The following GLIS3 variants were observed in gnomAD, a reference collection of about 807,000 sequenced individuals.
The protein encoded by GLIS3 is GLIS family zinc finger 3, also known as zinc finger protein GLIS3.
GLIS3 carries 53 observed loss-of-function variants against 78.6 expected under a neutral mutation model. The ratio of observed to expected loss-of-function variants is 0.67; its 90% CI spans 0.54 to 0.85. GLIS3 has a LOEUF of 0.85. Among genes scored for constraint, GLIS3 ranks in the 40% least tolerant of loss-of-function variants. The pLI is 0.00. For missense variants in GLIS3, 1,703 were observed against 1,231.1 expected (o/e 1.38, Z -5.74); for synonymous variants, 684 against 509.9 (o/e 1.34, Z -4.60).
intron 2 of GLIS3, among the ~76,000 whole-genome samples, chr9:4,185,866 A>G (rs1272025579): frequency 6.6e-6 from 1 of 152,222 alleles, no homozygotes; most frequent in Non-Finnish European, 1.5e-5. Context: ...AGGGCAAGGC[A>G]GCCCAGGGAC....
intron 4 of GLIS3, among the ~76,000 whole-genome samples, chr9:4,027,247 A>G (rs998191838): frequency 6.6e-6 from 1 of 152,218 alleles, no homozygotes; most frequent in African/African-American, 2.4e-5. Flanking sequence ...CGTCACTACA[A>G]TGACTGCAGA....
At chr9:3,983,729 G>A (rs1334258081) in intron 4 of GLIS3, among the ~76,000 whole-genome samples, 2 of 152,254 alleles carry the variant, frequency 1.3e-5, no homozygotes, top group East Asian at 3.9e-4. Flanking sequence ...TTGAACTTGA[G>A]GGAGATGATT....
At chr9:4,194,285 C>T (rs998852755) in intron 2 of GLIS3, among the ~76,000 whole-genome samples, 2 of 152,100 alleles carry the variant, frequency 1.3e-5, no homozygotes, top group Non-Finnish European at 2.9e-5. Context: ...GTCTCAAACT[C>T]CTGAGCTCAG....
rs145515526 is a variant in GLIS3, at chr9:4,118,029, G to A, written c.1449C>T (p.Pro483=). The A allele has an allele frequency of 1.9e-6, 3 of 1,600,514 alleles. No individual in the cohort carries two copies. The highest frequency in any genetic ancestry group is 2.6e-6 in the Non-Finnish European group (3 of 1,173,270). The change falls in exon 4 of 11, where the codon CCC becomes CCT. Residue 483 remains proline (P), a synonymous_variant. Coordinates refer to ENST00000381971, the MANE Select transcript of GLIS3 (RefSeq NM_001042413.2). This position sits in a 1 kb window ranked among gnomAD's most constrained non-coding sequence, Gnocchi z 4.7. The part of the protein sequence containing the change: ...LGPHAQQLAL[P]QATLDDDGEM... ...CCCCGTCGTCGTCCAGGGTGGCCTG[G>A]GGCAAGGCCAGCTGCTGGGCGTGGG...
chr9:3,947,768 G>C (rs1422073437), intron 4 of GLIS3, among the ~76,000 whole-genome samples: 1 of 152,156 alleles, frequency 6.6e-6, no homozygotes, highest in African/African-American at 2.4e-5. Flanking sequence ...GGAAAGATGG[G>C]ATTAAAAAAT....
At chr9:4,061,233 A>C (rs1251094141) in intron 4 of GLIS3, among the ~76,000 whole-genome samples, 18 of 113,034 alleles carry the variant, frequency 1.6e-4, no homozygotes, top group African/African-American at 6.4e-4. Flanking sequence ...ACCCCATGAC[A>C]GGCCCCGGTG....
At chr9:4,290,267 C>G (rs1174637009) in intron 1 of GLIS3, among the ~76,000 whole-genome samples, 1 of 152,126 alleles carries the variant, frequency 6.6e-6, no homozygotes, top group African/African-American at 2.4e-5. Flanking sequence ...ATGCCACAAG[C>G]ACTTCTTACT....
At chr9:4,109,868 T>G (rs2130839285) in intron 4 of GLIS3, among the ~76,000 whole-genome samples, 1 of 152,312 alleles carries the variant, frequency 6.6e-6, no homozygotes, top group East Asian at 1.9e-4. Flanking sequence ...ATGGCCTCCT[T>G]TACTTTCTCT....
chr9:4,372,828 C>T, the GLIS3 span, among the ~76,000 whole-genome samples: 1 of 152,138 alleles, frequency 6.6e-6, no homozygotes, highest in Non-Finnish European at 1.5e-5. Flanking sequence ...CACCTACGTT[C>T]TCACCTCCTG....
chr9:4,169,407 T>G (rs1401496382), intron 2 of GLIS3, among the ~76,000 whole-genome samples: 1 of 152,208 alleles, frequency 6.6e-6, no homozygotes, highest in Non-Finnish European at 1.5e-5. Flanking sequence ...TTTAATTTAA[T>G]GAGGCAGAAA....
At chr9:4,391,587 G>C in the GLIS3 span, among the ~76,000 whole-genome samples, 1 of 151,280 alleles carries the variant, frequency 6.6e-6, no homozygotes, top group Non-Finnish European at 1.5e-5. Context: ...GTTGGGCTCG[G>C]GTAGGTTGAG....
At chr9:3,940,771 G>A (rs1258772547) in intron 4 of GLIS3, among the ~76,000 whole-genome samples, 2 of 152,210 alleles carry the variant, frequency 1.3e-5, no homozygotes, top group African/African-American at 2.4e-5. Flanking sequence ...GGTGTGCAAT[G>A]AGCATTTATT....
intron 4 of GLIS3, among the ~76,000 whole-genome samples, chr9:4,010,870 G>A (rs1487093893): frequency 6.6e-6 from 1 of 152,182 alleles, no homozygotes; most frequent in Non-Finnish European, 1.5e-5. Context: ...AGGTTCCAAA[G>A]TCCTACCGTT....
chr9:4,397,201 A>G, the GLIS3 span, among the ~76,000 whole-genome samples: 1 of 139,626 alleles, frequency 7.2e-6, no homozygotes, highest in Admixed American at 7.1e-5. Flanking sequence ...AATTTTTTGT[A>G]TTTTTAGTAG....
intron 2 of GLIS3, among the ~76,000 whole-genome samples, chr9:4,243,213 T>C (rs895865931): frequency 3.9e-5 from 6 of 152,198 alleles, no homozygotes; most frequent in Non-Finnish European, 5.9e-5. Context: ...CAAGCTCATA[T>C]GAGAGTCAGA....
intron 2 of GLIS3, among the ~76,000 whole-genome samples, chr9:4,280,243 G>C (rs1288482135): frequency 6.6e-6 from 1 of 152,202 alleles, no homozygotes; most frequent in African/African-American, 2.4e-5. Context: ...GACTGGTCTT[G>C]AGCTCCTGGC....
At chr9:4,353,860 A>G in the GLIS3 span, among the ~76,000 whole-genome samples, 1 of 152,104 alleles carries the variant, frequency 6.6e-6, no homozygotes, top group African/African-American at 2.4e-5. Context: ...ACTGCAGGAA[A>G]TCTGTCGCCC....
intron 4 of GLIS3, among the ~76,000 whole-genome samples, chr9:3,979,305 T>G (rs1199354555): frequency 2.6e-5 from 4 of 152,178 alleles, no homozygotes; most frequent in Non-Finnish European, 5.9e-5. Context: ...ACCCAATCCC[T>G]GCAAGTCTCC....
chr9:4,148,381 A>G (rs552369606), intron 2 of GLIS3, among the ~76,000 whole-genome samples: 3 of 152,174 alleles, frequency 2.0e-5, no homozygotes, highest in South Asian at 2.1e-4. Flanking sequence ...CATACTCTCC[A>G]TATTTCCATC....
Sources: gnomAD v4.1 joint callset for allele counts (sites outside exome capture counted in the v4.1 genomes callset) on GRCh38, gnomAD v4.1.1 for gene constraint, Gnocchi (gnomAD v3.1) non-coding constraint, MANE v1.5 for transcripts, NCBI Gene and HGNC (gene_info 2026-07-23, HGNC 2026-07-21) for gene names.